Variants in SYT16 observed in about 807,000 individuals in gnomAD.
SYT16 encodes synaptotagmin-16.
Under a neutral mutation model 61.4 loss-of-function variants are expected in SYT16, and 42 were observed. The observed-to-expected ratio is 0.68, with a 90% confidence interval of 0.53 to 0.89. The LOEUF (loss-of-function observed/expected upper bound fraction) is 0.89. Among genes scored for constraint, SYT16 ranks in the 40% least tolerant of loss-of-function variants. The pLI, the probability that SYT16 is intolerant of heterozygous loss-of-function variation, is 0.00. For synonymous variants in SYT16, 314 were observed against 302.3 expected, an observed-to-expected ratio of 1.04 and a Z score of -0.40; for missense variants, 804 against 807.3, an observed-to-expected ratio of 1.00 and a Z score of 0.05.
chr14:61,822,548 C>T (rs1023827232), intron 1 of SYT16, among the ~76,000 whole-genome samples: 15 of 152,188 alleles, frequency 9.9e-5, no homozygotes, highest in South Asian at 2.1e-4. Flanking sequence ...TAACTGCCTC[C>T]GTCAGAGAAG....
chr14:61,916,072 C>G (rs1000224220), intron 1 of SYT16, among the ~76,000 whole-genome samples: 22 of 151,668 alleles, frequency 1.5e-4, no homozygotes, highest in African/African-American at 4.8e-4. Flanking sequence ...ATTTTTTTTT[C>G]CAGGACTAGT....
At chr14:61,962,497 T>A (rs1389666489) in intron 1 of SYT16, among the ~76,000 whole-genome samples, 1 of 152,164 alleles carries the variant, frequency 6.6e-6, no homozygotes, top group Non-Finnish European at 1.5e-5. Flanking sequence ...ATAGATCTTT[T>A]TGTGTTCAAT....
At chr14:62,050,488 C>T (rs560006748) in intron 3 of SYT16, among the ~76,000 whole-genome samples, 16 of 152,300 alleles carry the variant, frequency 1.1e-4, no homozygotes, top group Admixed American at 2.6e-4. Context: ...AGTTATTCTC[C>T]GTCCAGCTTT....
chr14:62,050,310 T>G (rs1595270743), intron 3 of SYT16, among the ~76,000 whole-genome samples: 1 of 152,220 alleles, frequency 6.6e-6, no homozygotes, highest in African/African-American at 2.4e-5. Flanking sequence ...CGTGCCATGG[T>G]TTTCAGCTCC....
intron 1 of SYT16, among the ~76,000 whole-genome samples, chr14:61,850,122 T>TTTTTTC (rs1187601263): frequency 1.3e-5 from 2 of 152,066 alleles, no homozygotes; most frequent in East Asian, 1.9e-4. Context: ...TAATTTGCAT[T>TTTTTTC]TTTTTCTTTT....
At chr14:62,018,298 C>CTTCT (rs1566768738) in intron 3 of SYT16, among the ~76,000 whole-genome samples, 3 of 51,644 alleles carry the variant, frequency 5.8e-5, no homozygotes, top group Admixed American at 3.0e-4. Context: ...TCTTCTTCTT[C>CTTCT]TTTTTTTTTT....
chr14:61,862,401 A>T (rs2046992041), intron 1 of SYT16, among the ~76,000 whole-genome samples: 1 of 152,204 alleles, frequency 6.6e-6, no homozygotes, highest in East Asian at 1.9e-4. Context: ...TCTTTCACTT[A>T]ACATAATGCT....
At chr14:61,924,493 G>A (rs773358320) in intron 1 of SYT16, among the ~76,000 whole-genome samples, 3 of 152,162 alleles carry the variant, frequency 2.0e-5, no homozygotes, top group Non-Finnish European at 4.4e-5. Flanking sequence ...CAGAACGAGG[G>A]TGTATTTCCT....
chr14:61,993,348 G>T (rs2052635478), intron 2 of SYT16, among the ~76,000 whole-genome samples: 1 of 152,044 alleles, frequency 6.6e-6, no homozygotes, highest in Admixed American at 6.6e-5. Context: ...ATTGATGGGT[G>T]CAGCAAATCA....
intron 3 of SYT16, among the ~76,000 whole-genome samples, chr14:62,060,470 C>T (rs531745693): frequency 6.6e-6 from 1 of 151,748 alleles, no homozygotes; most frequent in African/African-American, 2.4e-5. Flanking sequence ...TCCCTACACT[C>T]CTTTTCTTTC....
intron 1 of SYT16, among the ~76,000 whole-genome samples, chr14:61,965,174 T>C (rs1450975269): frequency 6.6e-6 from 1 of 152,172 alleles, no homozygotes; most frequent in African/African-American, 2.4e-5. Flanking sequence ...CATTTGGAAT[T>C]TTAAACATGT....
At chr14:61,948,696 G>A (rs1408092021) in intron 1 of SYT16, among the ~76,000 whole-genome samples, 2 of 152,166 alleles carry the variant, frequency 1.3e-5, no homozygotes, top group South Asian at 2.1e-4. Context: ...CTAAAGCCAC[G>A]AGAAAAATGC....
At chr14:62,082,751 A>G (rs975565840) in intron 6 of SYT16, among the ~76,000 whole-genome samples, 2 of 152,216 alleles carry the variant, frequency 1.3e-5, no homozygotes, top group Non-Finnish European at 1.5e-5. Flanking sequence ...GGGAATGGGG[A>G]TGATCACACC....
intron 1 of SYT16, among the ~76,000 whole-genome samples, chr14:61,833,839 T>A (rs979585923): frequency 2.0e-5 from 3 of 151,650 alleles, no homozygotes; most frequent in African/African-American, 7.3e-5. Context: ...GACTGTTCTT[T>A]AAGGTGCAGG....
At chr14:61,891,730 G>A (rs2048137859) in intron 1 of SYT16, among the ~76,000 whole-genome samples, 1 of 152,190 alleles carries the variant, frequency 6.6e-6, no homozygotes, top group Non-Finnish European at 1.5e-5. Flanking sequence ...TATAACCTTA[G>A]GCTAGGATCC....
chr14:61,860,626 T>A (rs1461987780), intron 1 of SYT16, among the ~76,000 whole-genome samples: 1 of 152,146 alleles, frequency 6.6e-6, no homozygotes, highest in East Asian at 1.9e-4. Context: ...TATAATAGAT[T>A]GGAAATAAAA....
At chr14:62,001,867 A>G (rs763814396) in intron 3 of SYT16, among the ~76,000 whole-genome samples, 17 of 152,044 alleles carry the variant, frequency 1.1e-4, no homozygotes, top group Non-Finnish European at 4.4e-5. Flanking sequence ...CATCAAGTCT[A>G]CGAAAGCCTT....
At chr14:62,017,403 T>C (rs115598659) in intron 3 of SYT16, among the ~76,000 whole-genome samples, 1,703 of 152,276 alleles carry the variant, frequency 0.011, 38 homozygotes, top group African/African-American at 0.039. Flanking sequence ...TATGCTTGAA[T>C]TATCCAAGCA....
At chr14:61,832,248 C>G in intron 1 of SYT16, 1 of 610,186 alleles carries the variant, frequency 1.6e-6, no homozygotes, top group Non-Finnish European at 3.2e-6. Flanking sequence ...ATAGTCACGT[C>G]GATCCACATA....
Sources: gnomAD v4.1 joint callset for allele counts (sites outside exome capture counted in the v4.1 genomes callset) on GRCh38, gnomAD v4.1.1 for gene constraint, MANE v1.5 for transcripts, NCBI Gene and HGNC (gene_info 2026-07-23, HGNC 2026-07-21) for gene names.